WDTC1: variants seen among roughly 807,000 people sequenced by gnomAD.
WDTC1 encodes WD and tetratricopeptide repeats 1, also known as WD and tetratricopeptide repeats protein 1.
Under a neutral mutation model 76.0 loss-of-function variants are expected in WDTC1, and 12 were observed. The observed-to-expected ratio is 0.16, with a 90% CI of 0.10 to 0.26. The LOEUF (loss-of-function observed/expected upper bound fraction) is 0.26. WDTC1 is among the 10% of genes least tolerant of loss of function. The probability of loss-of-function intolerance (pLI) is 1.00; values close to 1 mark genes in which losing one functional copy is unlikely to be tolerated. For synonymous variants in WDTC1, 326 were observed against 350.8 expected (o/e 0.93, Z 0.79); for missense variants, 511 against 908.8 (o/e 0.56, Z 5.63).
intron 3 of WDTC1, among the ~76,000 whole-genome samples, chr1:27,264,807 A>C (rs1026146312): frequency 1.3e-5 from 2 of 151,596 alleles, no homozygotes; most frequent in African/African-American, 4.9e-5. Context: ...TTTTGAATCT[A>C]ATTTTTTTTT....
intron 1 of WDTC1, among the ~76,000 whole-genome samples, chr1:27,258,501 C>T (rs1297940193): frequency 7.0e-6 from 1 of 142,884 alleles, no homozygotes; most frequent in Admixed American, 7.2e-5. Flanking sequence ...CACTGCACTC[C>T]AGCCTGAGCA....
chr1:27,291,414 G>C (rs1237904861), intron 6 of WDTC1, among the ~76,000 whole-genome samples: 1 of 152,150 alleles, frequency 6.6e-6, no homozygotes, highest in African/African-American at 2.4e-5. Flanking sequence ...ATTTTAGGAA[G>C]AGCAGCCTGG....
At chr1:27,275,285 G>A (rs1446805946) in intron 3 of WDTC1, among the ~76,000 whole-genome samples, 5 of 152,136 alleles carry the variant, frequency 3.3e-5, no homozygotes, top group African/African-American at 1.2e-4. Flanking sequence ...AGCTTTGGTA[G>A]ACCAGAGCAG....
At position 27,306,239 on chromosome 1, in the gene WDTC1, C is replaced by T; in HGVS notation, c.1890C>T (p.Ala630=). The change falls in exon 16 of 16, where the codon GCC becomes GCT. Residue 630 remains alanine (A), a synonymous_variant. Coordinates refer to ENST00000319394, the MANE Select transcript of WDTC1 (RefSeq NM_001276252.2). This position sits in a 1 kb window ranked among gnomAD's most constrained non-coding sequence, Gnocchi z 5.0. ...AAGATATGGAGGGTGCTTCACAGGCCAACCAGCGGCGCATGAATGCAGACC... is the reference window on the plus strand; with the variant it reads ...AAGATATGGAGGGTGCTTCACAGGCTAACCAGCGGCGCATGAATGCAGACC... ...VVEDMEGASQ[A]NQRRMNADPL... is the part of the protein sequence containing the mutation. 6.2e-7 allele frequency: 1 copy of T among 1,614,136 alleles called. No individual in the cohort carries two copies. Among genetic ancestry groups the T allele is most frequent in the Non-Finnish European group, 8.5e-7 (1 of 1,180,030 alleles).
intron 1 of WDTC1, among the ~76,000 whole-genome samples, chr1:27,250,628 G>A (rs1378833202): frequency 6.6e-6 from 1 of 152,130 alleles, no homozygotes; most frequent in African/African-American, 2.4e-5. Context: ...AGGTGCCTAA[G>A]TATTATATGT....
Position 27,282,256 on chromosome 1 carries a change from C to A in WDTC1, c.150C>A (p.Val50=). Residue 50 remains valine, a synonymous_variant, in exon 4 of 16, where the codon GTC becomes GTA. Transcript: ENST00000319394. ...TCCCCCAGGGTCACTCAGGATGTGT[C>A]AACTGTCTGGAGTGGAATGAGAAAG... ...EAELQGHSGC[V]NCLEWNEKGD... 1 of 1,613,788 alleles carries A rather than the reference C, an allele frequency of 6.2e-7. No homozygotes were observed. The highest frequency in any genetic ancestry group is 1.1e-5 in the South Asian group (1 of 91,038).
intron 6 of WDTC1, among the ~76,000 whole-genome samples, chr1:27,288,790 T>G (rs11247634): frequency 0.73 from 107,888 of 148,010 alleles, 40,075 homozygotes; most frequent in East Asian, 0.85. Context: ...TTCTCAATCT[T>G]TTCCCCACCT....
chr1:27,261,226 G>T, intron 2 of WDTC1, 124 bp downstream of exon 2: 1 of 1,025,586 alleles, frequency 9.8e-7, no homozygotes, highest in Non-Finnish European at 1.5e-6. Flanking sequence ...CTAGTTAGTG[G>T]CAGACCCAGG....
At chr1:27,241,351 T>C (rs2011626800) in intron 1 of WDTC1, among the ~76,000 whole-genome samples, 1 of 152,108 alleles carries the variant, frequency 6.6e-6, no homozygotes, top group Non-Finnish European at 1.5e-5. Context: ...ATTTTGTCCT[T>C]ATTCATGACC....
intron 6 of WDTC1, 50 bp from the exon 7 acceptor site, chr1:27,292,165 C>T: frequency 7.0e-7 from 1 of 1,432,478 alleles, no homozygotes; most frequent in Non-Finnish European, 9.3e-7. Context: ...CCCCTGCCTT[C>T]CTCTCAAGGA....
intron 1 of WDTC1, among the ~76,000 whole-genome samples, chr1:27,240,455 G>A (rs2011594231): frequency 6.6e-6 from 1 of 152,046 alleles, no homozygotes; most frequent in Admixed American, 6.6e-5. Context: ...CTTTTTAGTG[G>A]GTTTTTGAGG....
rs4078440 is a variant in WDTC1 at position 27,301,718 on chromosome 1, G to A, written c.1468+257G>A. On this transcript the variant is annotated intron_variant, in intron 13 of 15. Transcript: ENST00000319394. This position sits in a 1 kb window ranked among gnomAD's most constrained non-coding sequence, Gnocchi z 5.8. ...AAATGGCATGTTTAAAGCACCTGGG[G>A]GAGTGCCTGGTGCCCAGGATAGGAG... Among the ~76,000 whole-genome samples, 5,058 of 152,246 alleles carry A rather than the reference G, an allele frequency of 0.033. 116 individuals are homozygous for A. Among genetic ancestry groups the A allele is most frequent in the Middle Eastern group, 0.048 (14 of 294 alleles).
At chr1:27,292,443 G>A (rs2013560068) in intron 7 of WDTC1, 46 bp downstream of exon 7, 1 of 1,475,336 alleles carries the variant, frequency 6.8e-7, no homozygotes, top group Non-Finnish European at 9.1e-7. Context: ...AGTCCCCAGA[G>A]AACCTACTGC....
At chr1:27,263,019 G>A in intron 2 of WDTC1, 133 bp from the exon 3 acceptor site, 2 of 788,824 alleles carry the variant, frequency 2.5e-6, no homozygotes, top group Non-Finnish European at 4.0e-6. Context: ...ATAATACAAA[G>A]TCCTGTAGGC....
chr1:27,297,766 A>C (rs1386754251), intron 11 of WDTC1, among the ~76,000 whole-genome samples, 172 bp from the exon 12 acceptor site: 1 of 152,164 alleles, frequency 6.6e-6, no homozygotes, highest in Non-Finnish European at 1.5e-5. Context: ...GGTATTCCCT[A>C]TCACAGTAAT....
At chr1:27,296,812 C>CCAGCCCCAGCCCTAGCCT (rs2013704264) in intron 10 of WDTC1, among the ~76,000 whole-genome samples, 1 of 150,740 alleles carries the variant, frequency 6.6e-6, no homozygotes, top group African/African-American at 2.4e-5. Flanking sequence ...AGCCCTAGCC[C>CCAGCCCCAGCCCTAGCCT]CAGCCCCAGC....
chr1:27,296,442 G>A (rs745973194), intron 10 of WDTC1, 41 bp downstream of exon 10: 3 of 1,602,864 alleles, frequency 1.9e-6, no homozygotes, highest in Admixed American at 1.7e-5. Flanking sequence ...GGCGGTGTAG[G>A]GGAGCTTAAG....
At position 27,257,114 on chromosome 1, in the gene WDTC1, G is replaced by A. The variant is rs1359529867; in HGVS notation, c.-99-3842G>A. 4.6e-5 allele frequency among the ~76,000 whole-genome samples: 7 copies of A among 151,930 alleles called. 1 individual carries two copies. The highest frequency in any genetic ancestry group is 4.2e-4 in the South Asian group (2 of 4,818). ...CCTGACCTCGTGATCCGCCCACCTC[G>A]GCCTCCCAAAGCGCTGGGATTACAG... On this transcript the variant is annotated intron_variant, in intron 1 of 15. Coordinates refer to ENST00000319394, the MANE Select transcript of WDTC1 (RefSeq NM_001276252.2).
intron 3 of WDTC1, among the ~76,000 whole-genome samples, chr1:27,266,663 A>G (rs181740164): frequency 1.0e-3 from 155 of 152,292 alleles, no homozygotes; most frequent in African/African-American, 3.7e-3. Flanking sequence ...TAGCTATTTA[A>G]AACTTCTTCA....
Sources: allele counts gnomAD v4.1 joint callset (sites outside exome capture counted in the v4.1 genomes callset), GRCh38; gene constraint gnomAD v4.1.1; non-coding constraint Gnocchi (gnomAD v3.1); transcripts MANE v1.5; gene names NCBI Gene and HGNC (gene_info 2026-07-23, HGNC 2026-07-21).